The following GNAS variants were observed in gnomAD, a reference collection of about 807,000 sequenced individuals.
GNAS encodes the protein protein ALEX.
GNAS carries 8 observed loss-of-function variants against 54.5 expected under a neutral mutation model. The observed-to-expected ratio is 0.15, with a 90% CI of 0.09 to 0.26. GNAS has a LOEUF of 0.26. Ranked by LOEUF, GNAS falls within the 10% of genes least tolerant of loss-of-function variation. GNAS has a pLI of 1.00. For synonymous variants in GNAS, 204 were observed against 191.4 expected (o/e 1.07, Z -0.54); for missense variants, 170 against 529.8 (o/e 0.32, Z 6.67).
rs767448638 is a variant in GNAS at position 58,855,078 on chromosome 20, C to T, written c.43+14192C>T. The T allele has an allele frequency of 4.3e-6, 7 of 1,613,424 alleles. No individual in the cohort carries two copies. The South Asian group carries it at 4.4e-5, about 10-fold the overall frequency. ...AAATCGCCGCCGCCGAAAGCCCCAGCGCAACTTACTCCGCAACTTTCTCGT... is the reference window on the plus strand; with the variant it reads ...AAATCGCCGCCGCCGAAAGCCCCAGTGCAACTTACTCCGCAACTTTCTCGT... On this transcript the variant is annotated intron_variant, in intron 1 of 12. Coordinates refer to the GNAS transcript ENST00000306090.
Position 58,904,794 on chromosome 20 carries a change from T to C in GNAS, c.433-589T>C, listed in dbSNP as rs546051715. ...AGCAATAAACACAATATGTATAATA[T>C]AACCCACTGACTTTCTTGAAATATG... On this transcript the variant is annotated intron_variant, in intron 5 of 12. Transcript: ENST00000371085. 2.0e-5 allele frequency among the ~76,000 whole-genome samples: 3 copies of C among 152,328 alleles called. No individual in the cohort carries two copies. In the East Asian group the frequency reaches 5.8e-4, roughly 29 times the overall value.
chr20:58,843,266 G>A (rs1418685370), intron 1 of GNAS: 1 of 150,250 alleles, frequency 6.7e-6, no homozygotes, highest in Non-Finnish European at 1.5e-5. Context: ...TGATTCAAGG[G>A]TGGAAAAGCC....
chr20:58,870,462 A>T (rs954228034), intron 1 of GNAS, among the ~76,000 whole-genome samples: 1 of 152,254 alleles, frequency 6.6e-6, no homozygotes, highest in Non-Finnish European at 1.5e-5. Flanking sequence ...CCTCCCCACC[A>T]GAGGTCAGCA....
intron 1 of GNAS, among the ~76,000 whole-genome samples, chr20:58,875,247 G>A (rs905760696): frequency 1.3e-5 from 2 of 152,132 alleles, no homozygotes; most frequent in Non-Finnish European, 2.9e-5. Flanking sequence ...GATCGTGGAT[G>A]AGCACATGGC....
intron 1 of GNAS, among the ~76,000 whole-genome samples, chr20:58,845,294 G>T (rs2085903661): frequency 2.0e-5 from 3 of 152,160 alleles, no homozygotes; most frequent in Non-Finnish European, 4.4e-5. Context: ...ACAGCTATTT[G>T]AGATAAACCA....
chr20:58,855,695 G>C lies in GNAS; in HGVS notation c.43+14809G>C, dbSNP rs896194711. 1.5e-5 allele frequency: 10 copies of C among 668,256 alleles called. No individual in the cohort carries two copies. The African/African-American group carries it at 1.8e-4, about 12-fold the overall frequency. The allele number at this position is 668,256 out of a possible 1,614,324, so 41.4% of individuals were successfully genotyped here. ...GCCCCGGGGCCCCGGGACTCCCCTG[G>C]CTAGGCTGGTGGGGTCCACGGTGGG... On this transcript the variant is annotated intron_variant, in intron 1 of 12. Transcript: ENST00000306090.
chr20:58,889,512 T>C (rs181583365), upstream of GNAS: 36 of 218,198 alleles, frequency 1.6e-4, no homozygotes, highest in Admixed American at 3.9e-4. Context: ...CTCTTCTCCA[T>C]TGGCGTGCCC....
At chr20:58,855,161 C>A (rs2086413189) in intron 1 of GNAS, 2 of 1,612,070 alleles carry the variant, frequency 1.2e-6, no homozygotes, top group Non-Finnish European at 1.7e-6. Context: ...AAGCCTCGCG[C>A]TCTCTCAAGG....
intron 6 of GNAS, among the ~76,000 whole-genome samples, chr20:58,907,746 G>C (rs1171001377): frequency 2.0e-5 from 3 of 152,250 alleles, no homozygotes; most frequent in Admixed American, 6.5e-5. Flanking sequence ...GAACAACGCA[G>C]CTTAAAACTT....
chr20:58,859,164 A>G (rs1395055170), intron 1 of GNAS, among the ~76,000 whole-genome samples: 4 of 152,236 alleles, frequency 2.6e-5, no homozygotes, highest in African/African-American at 9.6e-5. Context: ...CAGTATGATT[A>G]GTAACCAGTA....
chr20:58,895,244 C>G (rs2089936370), intron 1 of GNAS: 1 of 349,786 alleles, frequency 2.9e-6, no homozygotes, highest in Admixed American at 4.0e-5. Flanking sequence ...ATCAGGGATT[C>G]AGTTTCACAG....
intron 1 of GNAS, among the ~76,000 whole-genome samples, chr20:58,881,503 C>A (rs2088217518): frequency 6.6e-6 from 1 of 152,158 alleles, no homozygotes; most frequent in Non-Finnish European, 1.5e-5. Flanking sequence ...CAGACCAGGG[C>A]ACCACGTGGA....
intron 1 of GNAS, among the ~76,000 whole-genome samples, chr20:58,872,342 G>C (rs1400365049): frequency 7.7e-6 from 1 of 130,256 alleles, no homozygotes; most frequent in Non-Finnish European, 1.7e-5. Context: ...GAACCTTCTA[G>C]TTCTTTAAAA....
chr20:58,898,388 TA>T (rs1245247081), intron 2 of GNAS: 1 of 154,690 alleles, frequency 6.5e-6, no homozygotes, highest in Non-Finnish European at 1.4e-5. Flanking sequence ...AGACATAGTT[TA>T]ATGACAATTT....
Position 58,905,363 on chromosome 20 carries a change from T to G in GNAS, c.433-20T>G. ...TTCAAGCTCTTGCCTTTCTCTAAAC[T>G]TTCTTGTGTTCACTTTCAGGAATTC... On this transcript the variant is annotated intron_variant, in intron 5 of 12. Coordinates refer to ENST00000371085, the MANE Select transcript of GNAS (RefSeq NM_000516.7). 3.5e-6 allele frequency: 5 copies of G among 1,412,412 alleles called. No individual in the cohort carries two copies. Among genetic ancestry groups the G allele is most frequent in the Non-Finnish European group, 3.0e-6 (3 of 995,786 alleles). The allele number at this position is 1,412,412 out of a possible 1,614,324, so 87.5% of individuals were successfully genotyped here.
At chr20:58,869,376 TG>T (rs1249762125) in intron 1 of GNAS, among the ~76,000 whole-genome samples, 1 of 152,232 alleles carries the variant, frequency 6.6e-6, no homozygotes, top group Non-Finnish European at 1.5e-5. Flanking sequence ...GGAAATCAAA[TG>T]GTAGGGCCCT....
intron 1 of GNAS, among the ~76,000 whole-genome samples, chr20:58,870,616 G>C (rs1370881325): frequency 6.6e-6 from 1 of 152,212 alleles, no homozygotes; most frequent in Non-Finnish European, 1.5e-5. Context: ...GGGTCCCGGG[G>C]ACCTTACTTT....
In GNAS at chr20:58,852,963, A is replaced by G. The variant is rs73915939; in HGVS notation, c.43+12077A>G. On this transcript the variant is annotated intron_variant, in intron 1 of 12. Coordinates refer to the GNAS transcript ENST00000306090. ...GCGGGACTGGCCTGGAGCAAAAAGA[A>G]AGAGAGAGGAGGGCGTAAGGATAGA... 1.7e-4 allele frequency: 187 copies of G among 1,119,514 alleles called. No homozygotes were observed. In the African/African-American group the frequency reaches 2.8e-3, roughly 17 times the overall value. The allele number at this position is 1,119,514 out of a possible 1,614,324, so 69.3% of individuals were successfully genotyped here.
intron 2 of GNAS, 171 bp from the exon 3 acceptor site, chr20:58,898,770 C>A: frequency 1.4e-6 from 1 of 719,424 alleles, no homozygotes; most frequent in Non-Finnish European, 2.5e-6. Flanking sequence ...GTGGATGTTC[C>A]AATTTAGCCA....
Sources: allele counts gnomAD v4.1 joint callset (sites outside exome capture counted in the v4.1 genomes callset), GRCh38; gene constraint gnomAD v4.1.1; transcripts MANE v1.5; gene names NCBI Gene and HGNC (gene_info 2026-07-23, HGNC 2026-07-21).